CIROZ: variants seen among roughly 807,000 people sequenced by gnomAD.
CIROZ encodes ciliated left-right organizer protein containing ZP-N domains, also known as ciliated left-right organizer ZP-N domains-containing protein.
At chr1:10,948,203 T>G in the CIROZ span, 5 of 1,613,816 alleles carry the variant, frequency 3.1e-6, no homozygotes, top group Non-Finnish European at 4.2e-6. Flanking sequence ...GTTCTGAGGA[T>G]GAAAGGTCCA....
chr1:10,948,296 G>A, the CIROZ span: 1 of 1,613,668 alleles, frequency 6.2e-7, no homozygotes. Context: ...ACGTTTCCTG[G>A]GGCTCTCCGG....
the CIROZ span, chr1:10,954,084 C>T: frequency 2.5e-6 from 4 of 1,613,832 alleles, no homozygotes; most frequent in African/African-American, 1.3e-5. Context: ...AAATTCCAGG[C>T]TCAGGTCTAC....
the CIROZ span, among the ~76,000 whole-genome samples, chr1:10,979,990 T>C: frequency 8.6e-5 from 13 of 150,942 alleles, no homozygotes; most frequent in Admixed American, 2.6e-4. Flanking sequence ...GAGGTTGTGG[T>C]GAGCCGAGAT....
chr1:10,980,225 G>A, the CIROZ span, among the ~76,000 whole-genome samples: 1 of 152,250 alleles, frequency 6.6e-6, no homozygotes, highest in Non-Finnish European at 1.5e-5. Context: ...AGTCTCCCCA[G>A]AGTGGGTTGG....
chr1:10,973,110 C>T, the CIROZ span, among the ~76,000 whole-genome samples: 4 of 152,250 alleles, frequency 2.6e-5, no homozygotes, highest in Middle Eastern at 6.8e-3. Flanking sequence ...CAGTGGCTCA[C>T]GCCTGTAATC....
the CIROZ span, chr1:10,949,156 G>A: frequency 3.8e-6 from 1 of 264,962 alleles, no homozygotes; most frequent in East Asian, 7.2e-5. Context: ...TCTGGGAGGT[G>A]GAGGCTGCAG....
chr1:10,947,967 G>A, the CIROZ span: 2 of 1,613,580 alleles, frequency 1.2e-6, no homozygotes, highest in African/African-American at 2.7e-5. Flanking sequence ...TCCCACAGAT[G>A]AGGCTTCGGG....
At chr1:10,949,768 A>G in the CIROZ span, 1 of 1,580,014 alleles carries the variant, frequency 6.3e-7, no homozygotes, top group Non-Finnish European at 8.6e-7. Context: ...GTGGGGAGGG[A>G]GTGGTCCTCA....
the CIROZ span, chr1:10,966,321 CT>C: frequency 1.0e-5 from 15 of 1,487,134 alleles, no homozygotes; most frequent in South Asian, 2.7e-5. Context: ...TTAAATCTCC[CT>C]TTAAAAAAAA....
chr1:10,971,790 C>T, the CIROZ span, among the ~76,000 whole-genome samples: 3 of 152,338 alleles, frequency 2.0e-5, no homozygotes, highest in African/African-American at 7.2e-5. Context: ...GCCATGTCTG[C>T]CTTGTTGACC....
the CIROZ span, among the ~76,000 whole-genome samples, chr1:10,981,384 G>A: frequency 4.6e-5 from 7 of 152,006 alleles, no homozygotes; most frequent in African/African-American, 1.7e-4. Flanking sequence ...CAGGAGTTAA[G>A]AGATGACAGT....
At chr1:10,957,925 C>T in the CIROZ span, among the ~76,000 whole-genome samples, 2 of 152,306 alleles carry the variant, frequency 1.3e-5, no homozygotes, top group African/African-American at 4.8e-5. Flanking sequence ...GTCAACCAGA[C>T]GCTAGCACGC....
the CIROZ span, among the ~76,000 whole-genome samples, chr1:10,951,096 C>T: frequency 2.0e-5 from 3 of 152,144 alleles, no homozygotes; most frequent in African/African-American, 7.2e-5. Flanking sequence ...TGACATTCCC[C>T]GTCCCACCCC....
At chr1:10,952,709 G>T in the CIROZ span, among the ~76,000 whole-genome samples, 1 of 152,090 alleles carries the variant, frequency 6.6e-6, no homozygotes. Context: ...ACAGGGTTTC[G>T]CCATGTTGGC....
chr1:10,947,771 T>A, the CIROZ span: 1 of 1,597,124 alleles, frequency 6.3e-7, no homozygotes, highest in South Asian at 1.1e-5. Context: ...CCTGCTGGAG[T>A]GAGGCCCCCC....
chr1:10,966,490 G>T, the CIROZ span: 1 of 1,531,776 alleles, frequency 6.5e-7, no homozygotes, highest in South Asian at 1.2e-5. Flanking sequence ...TGCCTGGAAT[G>T]AGAAAGGGAC....
At chr1:10,946,861 G>A in the CIROZ span, 2 of 152,240 alleles carry the variant, frequency 1.3e-5, no homozygotes, top group Admixed American at 6.5e-5. Context: ...GCCTGGGGAG[G>A]GGGTAAACAC....
chr1:10,968,574 G>T, the CIROZ span, among the ~76,000 whole-genome samples: 18,692 of 152,178 alleles, frequency 0.12, 1,784 homozygotes, highest in East Asian at 0.29. Context: ...AACTGACCTG[G>T]ATCGTTTTAG....
At chr1:10,947,865 G>A in the CIROZ span, 1 of 1,609,368 alleles carries the variant, frequency 6.2e-7, no homozygotes, top group Non-Finnish European at 8.5e-7. Flanking sequence ...GGTTTGCGTG[G>A]ATGGAGGGCT....
Sources: allele counts gnomAD v4.1 joint callset (sites outside exome capture counted in the v4.1 genomes callset), GRCh38; gene constraint gnomAD v4.1.1; transcripts MANE v1.5; gene names NCBI Gene and HGNC (gene_info 2026-07-23, HGNC 2026-07-21).